RIMBP2: variants seen among roughly 807,000 people sequenced by gnomAD.
RIMBP2 encodes RIMS-binding protein 2.
In RIMBP2, 48 loss-of-function variants were observed where a neutral mutation model predicts 118.6. The observed-to-expected ratio is 0.40, with a 90% CI of 0.32 to 0.51. RIMBP2 has a LOEUF of 0.51. Ranked by LOEUF, RIMBP2 falls within the 20% of genes least tolerant of loss-of-function variation. The pLI is 0.41. For synonymous variants in RIMBP2, 762 were observed against 742.9 expected (o/e 1.03, Z -0.42); for missense variants, 1,551 against 1,768.3 (o/e 0.88, Z 2.20).
chr12:130,626,930 G>A (rs115889560), intron 2 of RIMBP2, among the ~76,000 whole-genome samples: 1,606 of 149,250 alleles, frequency 0.011, 38 homozygotes, highest in African/African-American at 0.036. Flanking sequence ...ACTACCGCCA[G>A]CATCACCATT....
chr12:130,482,624 G>A (rs1390852934), intron 4 of RIMBP2, among the ~76,000 whole-genome samples: 2 of 152,240 alleles, frequency 1.3e-5, no homozygotes, highest in African/African-American at 4.8e-5. Flanking sequence ...CTTGTTTTGT[G>A]CCAGGCACCC....
At chr12:130,702,311 G>A (rs1317529592) in intron 1 of RIMBP2, among the ~76,000 whole-genome samples, 1 of 152,088 alleles carries the variant, frequency 6.6e-6, no homozygotes, top group Non-Finnish European at 1.5e-5. Flanking sequence ...GAGGTCGGGA[G>A]TTCGAGACCA....
Position 130,523,537 on chromosome 12 carries a change from C to A in RIMBP2, c.-216-5620G>T, listed in dbSNP as rs35990721. Among the ~76,000 whole-genome samples the A allele has an allele frequency of 0.15, 22,824 of 152,258 alleles. 2,104 individuals are homozygous for A. The highest frequency in any genetic ancestry group is 0.21 in the Non-Finnish European group (13,940 of 67,998). On this transcript the variant is annotated intron_variant, in intron 2 of 22. Transcript: ENST00000690449. This position sits in a 1 kb window ranked among gnomAD's most constrained non-coding sequence, Gnocchi z 4.4. ...GAAGAAACTGGGTCTTCTGAAGACACCCCCTTCCCCATCAGGAGCTCCAGT... is the reference window on the plus strand; with the variant it reads ...GAAGAAACTGGGTCTTCTGAAGACAACCCCTTCCCCATCAGGAGCTCCAGT...
At chr12:130,522,923 A>G (rs974314960) in intron 2 of RIMBP2, among the ~76,000 whole-genome samples, 1 of 152,144 alleles carries the variant, frequency 6.6e-6, no homozygotes, top group Admixed American at 6.5e-5. Flanking sequence ...GCTTTCTAAG[A>G]GGAGGACGAT....
intron 1 of RIMBP2, among the ~76,000 whole-genome samples, chr12:130,643,778 A>C (rs1443082515): frequency 6.6e-6 from 1 of 152,218 alleles, no homozygotes; most frequent in Admixed American, 6.5e-5. Flanking sequence ...AGACATGCCC[A>C]CAGAGCAACA....
At chr12:130,645,514 G>A (rs1261617566) in intron 1 of RIMBP2, among the ~76,000 whole-genome samples, 1 of 152,188 alleles carries the variant, frequency 6.6e-6, no homozygotes, top group African/African-American at 2.4e-5. Flanking sequence ...CCTACAGTCA[G>A]GACACGGGAT....
At chr12:130,554,562 A>G (rs1400164121) in intron 2 of RIMBP2, among the ~76,000 whole-genome samples, 1 of 149,922 alleles carries the variant, frequency 6.7e-6, no homozygotes, top group Non-Finnish European at 1.5e-5. Flanking sequence ...ACTAAAAACA[A>G]CAGAAGTTGT....
chr12:130,686,542 A>T (rs987485535), intron 1 of RIMBP2, among the ~76,000 whole-genome samples: 1 of 152,210 alleles, frequency 6.6e-6, no homozygotes, highest in African/African-American at 2.4e-5. Flanking sequence ...GATAAATTTA[A>T]ATCACTGCTG....
chr12:130,450,631 C>G lies in RIMBP2; in HGVS notation c.505-355G>C, dbSNP rs1340902633. 5.3e-5 allele frequency among the ~76,000 whole-genome samples: 7 copies of G among 131,920 alleles called. No individual in the cohort carries two copies. The highest frequency in any genetic ancestry group is 1.7e-5 in the Non-Finnish European group (1 of 60,204). 86.5% of individuals were successfully genotyped at this position (131,920 alleles called of 152,430 possible). Reference sequence around the variant, plus strand: ...TGGGGGTAAAATTAAGCAGTATGTGCACGACCCCCCAGTGATCCCACTCTC... The same window carrying G: ...TGGGGGTAAAATTAAGCAGTATGTGGACGACCCCCCAGTGATCCCACTCTC... On this transcript the variant is annotated intron_variant, in intron 8 of 22. Transcript: ENST00000690449. The surrounding 1 kb of genome is among the most constrained non-coding windows in gnomAD (Gnocchi z 4.8).
At chr12:130,441,805 G>T (rs1240075220) in intron 11 of RIMBP2, 43 bp downstream of exon 11, 1 of 1,545,992 alleles carries the variant, frequency 6.5e-7, no homozygotes, top group East Asian at 2.3e-5. Context: ...TGACATCCTG[G>T]CGTTCTCTCC....
intron 9 of RIMBP2, among the ~76,000 whole-genome samples, chr12:130,445,937 T>C (rs952836038): frequency 1.3e-5 from 2 of 152,184 alleles, no homozygotes; most frequent in African/African-American, 4.8e-5. Context: ...AATATACTTA[T>C]TTGGTCAAAG....
intron 6 of RIMBP2, among the ~76,000 whole-genome samples, chr12:130,467,969 C>T (rs1382435177): frequency 6.6e-6 from 1 of 152,160 alleles, no homozygotes; most frequent in Non-Finnish European, 1.5e-5. Flanking sequence ...GGGGTGTATC[C>T]TATCTAGGCG....
chr12:130,412,895 G>C, intron 18 of RIMBP2, 108 bp from the exon 19 acceptor site: 1 of 1,063,562 alleles, frequency 9.4e-7, no homozygotes, highest in South Asian at 1.8e-5. Context: ...TTTAAATATA[G>C]TTTAAAAATA....
chr12:130,423,753 GA>G (rs201784253), intron 16 of RIMBP2, among the ~76,000 whole-genome samples: 1 of 139,316 alleles, frequency 7.2e-6, no homozygotes, highest in Admixed American at 7.2e-5. Context: ...AAATAACAAG[GA>G]AAAAAAACCC....
chr12:130,463,975 C>A (rs879588830), intron 6 of RIMBP2, among the ~76,000 whole-genome samples: 1 of 152,076 alleles, frequency 6.6e-6, no homozygotes, highest in Non-Finnish European at 1.5e-5. Flanking sequence ...CTAAAAGACA[C>A]TCCCCTCAGC....
intron 2 of RIMBP2, among the ~76,000 whole-genome samples, chr12:130,618,881 G>A (rs113763817): frequency 1.3e-5 from 2 of 152,298 alleles, no homozygotes; most frequent in African/African-American, 4.8e-5. Flanking sequence ...CACCTAGAAA[G>A]AGAGGACCGA....
chr12:130,404,974 G>A (rs1366118709), intron 21 of RIMBP2, among the ~76,000 whole-genome samples: 6 of 152,040 alleles, frequency 3.9e-5, no homozygotes, highest in Non-Finnish European at 8.8e-5. Context: ...TAGGGAAAGT[G>A]CAGATTATTT....
At chr12:130,604,629 G>A (rs1261103482) in intron 2 of RIMBP2, among the ~76,000 whole-genome samples, 1 of 54,396 alleles carries the variant, frequency 1.8e-5, no homozygotes, top group Non-Finnish European at 3.4e-5. Flanking sequence ...TGTCTCCCAG[G>A]CTGGAGTGCA....
intron 4 of RIMBP2, among the ~76,000 whole-genome samples, chr12:130,488,710 T>A (rs1489744087): frequency 6.6e-6 from 1 of 151,692 alleles, no homozygotes; most frequent in Admixed American, 6.6e-5. Flanking sequence ...CCACTTCCCA[T>A]CCTGAGGGCT....
Sources: allele counts gnomAD v4.1 joint callset (sites outside exome capture counted in the v4.1 genomes callset), GRCh38; gene constraint gnomAD v4.1.1; non-coding constraint Gnocchi (gnomAD v3.1); transcripts MANE v1.5; gene names NCBI Gene and HGNC (gene_info 2026-07-23, HGNC 2026-07-21).